The following LMF1 variants were observed in gnomAD, a reference collection of about 807,000 sequenced individuals.
The protein encoded by LMF1 is transmembrane protein 112.
Under a neutral mutation model 60.6 loss-of-function variants are expected in LMF1, and 68 were observed. The ratio of observed to expected loss-of-function variants is 1.12; its 90% CI spans 0.92 to 1.37. LMF1 has a LOEUF of 1.37. LMF1 is among the 40% of genes most tolerant of loss of function. The pLI is 0.00. For missense variants in LMF1, 948 were observed against 767.2 expected (o/e 1.24, Z -2.78); for synonymous variants, 418 against 324.7 (o/e 1.29, Z -3.09).
intron 2 of LMF1, among the ~76,000 whole-genome samples, chr16:936,365 A>G (rs1447400259): frequency 2.2e-3 from 126 of 58,220 alleles, no homozygotes; most frequent in Admixed American, 3.3e-3. Flanking sequence ...GAAGGAGGCT[A>G]GGAGAGAGGG....
At chr16:893,407 G>A (rs1339744443) in intron 4 of LMF1, 20 of 473,448 alleles carry the variant, frequency 4.2e-5, no homozygotes, top group Admixed American at 7.0e-5. Flanking sequence ...AATGCACCAC[G>A]CCCTGCACAG....
chr16:972,831 C>A (rs1409761763), upstream of LMF1, among the ~76,000 whole-genome samples: 1 of 152,230 alleles, frequency 6.6e-6, no homozygotes, highest in Non-Finnish European at 1.5e-5. Flanking sequence ...TGGGAGCAGT[C>A]AGCGGAAGGG....
At chr16:911,376 G>A (rs989494968) in intron 3 of LMF1, among the ~76,000 whole-genome samples, 2 of 152,060 alleles carry the variant, frequency 1.3e-5, no homozygotes, top group African/African-American at 4.8e-5. Context: ...CCTGCAGGAC[G>A]CTGCACGGAC....
chr16:886,434 C>G (rs2070308631), intron 5 of LMF1, among the ~76,000 whole-genome samples: 1 of 152,034 alleles, frequency 6.6e-6, no homozygotes, highest in South Asian at 2.1e-4. Context: ...GTGGGCTGCT[C>G]TGCTGAGTGA....
At chr16:938,603 G>T (rs1475598777) in intron 2 of LMF1, among the ~76,000 whole-genome samples, 2 of 152,238 alleles carry the variant, frequency 1.3e-5, no homozygotes, top group Non-Finnish European at 2.9e-5. Context: ...TCTGTCGCCT[G>T]TTGCCTCTTA....
chr16:968,247 C>G lies in LMF1; in HGVS notation c.193+2541G>C, dbSNP rs1011253634. On this transcript the variant is annotated intron_variant, in intron 1 of 10. Coordinates refer to ENST00000262301, the MANE Select transcript of LMF1 (RefSeq NM_022773.4). ...TCTCCAGGTCTGGCTTCGAAGCTTC[C>G]CCGACAGGGCAGGCGTTTCTGTGTT... is the stretch of plus-strand genomic sequence containing the variant. The G allele has an allele frequency of 6.6e-5, 10 of 152,348 alleles. No homozygotes were observed. In the East Asian group the frequency reaches 1.7e-3, roughly 26 times the overall value. 9.4% of individuals were successfully genotyped at this position (152,348 alleles called of 1,614,324 possible). A position where few individuals can be genotyped will look rare whatever the true frequency, so the allele number is the denominator to read the frequency against.
Position 954,570 on chromosome 16 carries a change from T to C in LMF1, c.290A>G (p.Tyr97Cys). 6.2e-7 allele frequency: 1 copy of C among 1,613,240 alleles called. No individual in the cohort carries two copies. The highest frequency in any genetic ancestry group is 8.5e-7 in the Non-Finnish European group (1 of 1,179,804). The change falls in exon 2 of 11, where the codon TAC becomes TGC. Residue 97 changes from tyrosine (Y) to cysteine (C), a missense_variant. Tyr to Cys is a radical substitution (Grantham distance 194). Transcript: ENST00000262301. ...CRVFLKNFQQ[Y>C]FQDRTSWEVF... Reference sequence around the variant, plus strand: ...TTCCCAGCTCGTCCTGTCCTGGAAGTACTGCTGGAAGTTCTTCAGGAACAC... The same window carrying C: ...TTCCCAGCTCGTCCTGTCCTGGAAGCACTGCTGGAAGTTCTTCAGGAACAC...
chr16:882,698 C>T (rs1596896337), intron 5 of LMF1, among the ~76,000 whole-genome samples: 1 of 151,696 alleles, frequency 6.6e-6, no homozygotes, highest in South Asian at 2.1e-4. Flanking sequence ...AAGCAGGGCC[C>T]ATCGCAGGAC....
intron 2 of LMF1, chr16:947,472 G>GCGC (rs2072265012): frequency 2.2e-6 from 1 of 455,934 alleles, no homozygotes; most frequent in African/African-American, 2.0e-5. Flanking sequence ...GTGTCCCTGG[G>GCGC]TGCTGGCGGC....
At chr16:960,566 G>A (rs1010924240) in intron 1 of LMF1, among the ~76,000 whole-genome samples, 4 of 132,990 alleles carry the variant, frequency 3.0e-5, no homozygotes, top group African/African-American at 5.5e-5. Context: ...CAGACTCACG[G>A]TGACAGCACG....
intron 3 of LMF1, among the ~76,000 whole-genome samples, chr16:915,889 T>C (rs1373444294): frequency 6.6e-6 from 1 of 150,962 alleles, no homozygotes; most frequent in African/African-American, 2.4e-5. Flanking sequence ...AGGTGAGACT[T>C]GGGGGCCTGG....
chr16:885,840 G>A (rs2070291562), intron 5 of LMF1, among the ~76,000 whole-genome samples: 1 of 152,208 alleles, frequency 6.6e-6, no homozygotes, highest in African/African-American at 2.4e-5. Context: ...AGGACGTACA[G>A]AAGAGTTGAA....
intron 2 of LMF1, among the ~76,000 whole-genome samples, chr16:938,383 G>A (rs897602846): frequency 6.6e-5 from 10 of 151,380 alleles, no homozygotes; most frequent in African/African-American, 2.2e-4. Flanking sequence ...AGGCAGGGAT[G>A]GGGCTGGACG....
chr16:915,799 G>GGGTGAGAT (rs1306578876), intron 3 of LMF1, among the ~76,000 whole-genome samples: 5 of 152,232 alleles, frequency 3.3e-5, no homozygotes, highest in African/African-American at 1.2e-4. Context: ...TGCCTCAGGC[G>GGGTGAGAT]GGTGAGATGA....
rs568456412 is a variant in LMF1, at chr16:946,742, C to G, written c.503+7615G>C. On this transcript the variant is annotated intron_variant, in intron 2 of 10. Coordinates refer to ENST00000262301, the MANE Select transcript of LMF1 (RefSeq NM_022773.4). ...GCTCAGTCACCTACATGGCCCATGC[C>G]CTGCCATGGATTCCTCTGCCTCTCA... is the stretch of plus-strand genomic sequence containing the variant. Among the ~76,000 whole-genome samples the G allele has an allele frequency of 2.6e-5, 4 of 152,344 alleles. No homozygotes were observed. The East Asian group carries it at 5.8e-4, about 22-fold the overall frequency.
chr16:939,256 C>T lies in LMF1; in HGVS notation c.504-5002G>A, dbSNP rs927390888. 8.9e-5 allele frequency among the ~76,000 whole-genome samples: 4 copies of T among 45,088 alleles called. No homozygotes were observed. The Admixed American group carries it at 9.2e-4, about 10-fold the overall frequency. The allele number at this position is 45,088 out of a possible 152,430, so 29.6% of individuals were successfully genotyped here. A position where few individuals can be genotyped will look rare whatever the true frequency, so the allele number is the denominator to read the frequency against. The stretch of plus-strand genomic sequence containing the variant: ...AGGGAACAGGACAACAGCACGCTGT[C>T]CCCGCCGTGAGCACGAACCCTGGGT... On this transcript the variant is annotated intron_variant, in intron 2 of 10. Transcript: ENST00000262301.
rs192520307 is a variant in LMF1, at chr16:871,187, C to T, written c.1052G>A (p.Arg351Gln). Residue 351 changes from arginine (R) to glutamine (Q), a missense_variant, in exon 7 of 11, where the codon CGA becomes CAA. By Grantham distance (43) the Arg-to-Gln change is conservative. Transcript: ENST00000262301. ...GAATCTGGGCTCGGGCCGGGCCCCT[C>T]GGATGTCCCTCTGCATCTGCAGAAC... ...DRVLQMQRDI[R>Q]GARPEPRFGS... The T allele has an allele frequency of 1.8e-3, 2,826 of 1,606,970 alleles. 16 individuals are homozygous for T. Among genetic ancestry groups the T allele is most frequent in the African/African-American group, 0.012 (870 of 74,968 alleles).
At chr16:979,656 C>T (rs919038913) in intron 1 of LMF1, 1 of 454,000 alleles carries the variant, frequency 2.2e-6, no homozygotes, top group Non-Finnish European at 4.4e-6. Context: ...GAAGAGGCCA[C>T]CCTGCCTGCT....
At chr16:942,875 C>A (rs2072140849) in intron 2 of LMF1, among the ~76,000 whole-genome samples, 3 of 152,212 alleles carry the variant, frequency 2.0e-5, no homozygotes, top group Admixed American at 2.0e-4. Context: ...CTGGTGCTAT[C>A]CCACATGTCA....
Sources: allele counts gnomAD v4.1 joint callset (sites outside exome capture counted in the v4.1 genomes callset), GRCh38; gene constraint gnomAD v4.1.1; transcripts MANE v1.5; gene names NCBI Gene and HGNC (gene_info 2026-07-23, HGNC 2026-07-21).